TUSC3: variants seen among roughly 807,000 people sequenced by gnomAD.
The protein encoded by TUSC3 is tumor suppressor candidate 3.
A neutral mutation model predicts 44.8 loss-of-function variants in TUSC3; 45 were observed. The ratio of observed to expected loss-of-function variants is 1.00; its 90% CI spans 0.79 to 1.29. The LOEUF (loss-of-function observed/expected upper bound fraction) is 1.29, where lower values mean the gene tolerates loss of function less well. Ranked by LOEUF, TUSC3 falls within the 50% of genes most tolerant of loss-of-function variation. The probability of loss-of-function intolerance (pLI) is 0.00; values close to 1 mark genes in which losing one functional copy is unlikely to be tolerated. For missense variants in TUSC3, 519 were observed against 437.9 expected (o/e 1.19, Z -1.65); for synonymous variants, 212 against 152.9 (o/e 1.39, Z -2.85).
intron 7 of TUSC3, among the ~76,000 whole-genome samples, chr8:15,740,661 T>C (rs1036416453): frequency 1.8e-4 from 27 of 152,200 alleles, no homozygotes; most frequent in Admixed American, 6.5e-5. Flanking sequence ...TTGGGTAGTA[T>C]TGTGTTAGTG....
At chr8:15,628,300 C>G (rs1164194474) in intron 2 of TUSC3, among the ~76,000 whole-genome samples, 3 of 151,894 alleles carry the variant, frequency 2.0e-5, no homozygotes, top group South Asian at 2.1e-4. Context: ...TAACATAAAC[C>G]ATAACATACT....
chr8:15,535,580 G>A (rs1801511549), upstream of TUSC3, among the ~76,000 whole-genome samples: 1 of 144,590 alleles, frequency 6.9e-6, no homozygotes, highest in Admixed American at 6.9e-5. Context: ...GGTGAACAGG[G>A]GGATGACTTT....
rs144107528 is a variant in TUSC3, at chr8:15,491,103, C to T, written n.189+7620C>T. 4.8e-3 allele frequency among the ~76,000 whole-genome samples: 727 copies of T among 152,252 alleles called. 3 individuals are homozygous for T. Among genetic ancestry groups the T allele is most frequent in the African/African-American group, 0.017 (696 of 41,550 alleles). ...GGAATAGTCACAGATGCATTTGTCTCGTGCTCAGTGAATCTGCATTTTTAT... is the reference window on the plus strand; with the variant it reads ...GGAATAGTCACAGATGCATTTGTCTTGTGCTCAGTGAATCTGCATTTTTAT... On this transcript the variant is annotated intron_variant and non_coding_transcript_variant, in intron 2 of 5. Transcript: ENST00000503191.
intron 1 of TUSC3, among the ~76,000 whole-genome samples, chr8:15,440,375 A>G (rs1800005071): frequency 6.6e-6 from 1 of 152,164 alleles, no homozygotes; most frequent in Non-Finnish European, 1.5e-5. Flanking sequence ...GAAACCCAGA[A>G]TGATTAGACA....
At chr8:15,741,368 G>A (rs1321705980) in intron 7 of TUSC3, among the ~76,000 whole-genome samples, 2 of 152,138 alleles carry the variant, frequency 1.3e-5, no homozygotes, top group Non-Finnish European at 2.9e-5. Context: ...TACTTTTAAT[G>A]TCTACATAAA....
intron 7 of TUSC3, among the ~76,000 whole-genome samples, chr8:15,735,834 G>C (rs1677054220): frequency 6.6e-6 from 1 of 151,958 alleles, no homozygotes; most frequent in Non-Finnish European, 1.5e-5. Flanking sequence ...CAAGTAGCTG[G>C]GACTACAGGT....
At chr8:15,532,540 C>G (rs1340529867) in intron 2 of TUSC3, among the ~76,000 whole-genome samples, 1 of 152,090 alleles carries the variant, frequency 6.6e-6, no homozygotes, top group Non-Finnish European at 1.5e-5. Context: ...AGGGCAGGTA[C>G]TGGGGAGAGA....
intron 2 of TUSC3, among the ~76,000 whole-genome samples, chr8:15,498,127 A>T (rs1412168063): frequency 6.6e-6 from 1 of 152,186 alleles, no homozygotes; most frequent in South Asian, 2.1e-4. Context: ...GGAAAAATGG[A>T]TAATTTAGGA....
rs78452529 is a variant in TUSC3, at chr8:15,710,692, A to T, written c.799-19974A>T. ...AATGCACCTTTGTAGCAAGATTCCC[A>T]GGTTATTTGAGTGAAATTTCTACAG... On this transcript the variant is annotated intron_variant, in intron 6 of 10. Transcript: ENST00000503731. Among the ~76,000 whole-genome samples, 629 of 151,812 alleles carry T rather than the reference A, an allele frequency of 4.1e-3. 5 individuals carry two copies. Among genetic ancestry groups the T allele is most frequent in the African/African-American group, 0.014 (595 of 41,454 alleles).
chr8:15,643,303 G>A (rs146815677), intron 2 of TUSC3, among the ~76,000 whole-genome samples: 2 of 152,234 alleles, frequency 1.3e-5, no homozygotes, highest in African/African-American at 4.8e-5. Context: ...GACTAATACA[G>A]TAAGAAAACT....
intron 2 of TUSC3, among the ~76,000 whole-genome samples, chr8:15,646,422 C>T (rs1397576833): frequency 6.6e-6 from 1 of 151,990 alleles, no homozygotes; most frequent in Non-Finnish European, 1.5e-5. Flanking sequence ...AGGCTAGAAT[C>T]TACAAATTGG....
At chr8:15,849,224 A>C in the TUSC3 span, among the ~76,000 whole-genome samples, 1 of 152,174 alleles carries the variant, frequency 6.6e-6, no homozygotes, top group Non-Finnish European at 1.5e-5. Context: ...CTAATGCCAC[A>C]TAATCTTTGG....
chr8:15,474,621 G>T (rs1383836582), intron 1 of TUSC3, among the ~76,000 whole-genome samples: 1 of 152,188 alleles, frequency 6.6e-6, no homozygotes, highest in African/African-American at 2.4e-5. Context: ...AGAAAATTCA[G>T]TAAAGACAAT....
chr8:15,451,977 C>T (rs1375915515), intron 1 of TUSC3, among the ~76,000 whole-genome samples: 1 of 152,050 alleles, frequency 6.6e-6, no homozygotes, highest in Non-Finnish European at 1.5e-5. Context: ...GGCCTTTCCA[C>T]ATAAAAGGCA....
the TUSC3 span, among the ~76,000 whole-genome samples, chr8:15,787,081 C>A: frequency 6.6e-6 from 1 of 151,930 alleles, no homozygotes; most frequent in Non-Finnish European, 1.5e-5. Context: ...ATTTTACCCA[C>A]CCTACCACAC....
chr8:15,698,469 C>G (rs973967180), intron 6 of TUSC3, among the ~76,000 whole-genome samples: 1 of 152,106 alleles, frequency 6.6e-6, no homozygotes, highest in African/African-American at 2.4e-5. Flanking sequence ...ATTTTAGGTT[C>G]AAAGTATAAA....
chr8:15,433,825 A>T (rs978819), intron 1 of TUSC3, among the ~76,000 whole-genome samples: 25,065 of 152,140 alleles, frequency 0.16, 2,127 homozygotes, highest in Middle Eastern at 0.23. Flanking sequence ...ACATCAACAC[A>T]TACTCTGTAT....
At chr8:15,480,819 A>G (rs1800648300) in intron 1 of TUSC3, among the ~76,000 whole-genome samples, 1 of 152,212 alleles carries the variant, frequency 6.6e-6, no homozygotes, top group Admixed American at 6.5e-5. Flanking sequence ...TCCAAATATA[A>G]TTACATTCTA....
At chr8:15,726,647 A>G (rs1011981557) in intron 6 of TUSC3, among the ~76,000 whole-genome samples, 15 of 152,056 alleles carry the variant, frequency 9.9e-5, no homozygotes, top group Non-Finnish European at 1.9e-4. Flanking sequence ...CTCTACTAAA[A>G]ATACAAAAAT....
Sources: gnomAD v4.1 joint callset for allele counts (sites outside exome capture counted in the v4.1 genomes callset) on GRCh38, gnomAD v4.1.1 for gene constraint, MANE v1.5 for transcripts, NCBI Gene and HGNC (gene_info 2026-07-23, HGNC 2026-07-21) for gene names.